Variants in PPP4R3B observed in about 807,000 individuals in gnomAD.
The protein encoded by PPP4R3B is serine/threonine-protein phosphatase 4 regulatory subunit 3B.
In PPP4R3B, 52 loss-of-function variants were observed where a neutral mutation model predicts 95.4. The observed-to-expected ratio is 0.54, with a 90% CI of 0.44 to 0.69. The LOEUF (loss-of-function observed/expected upper bound fraction) is 0.69, where lower values mean the gene tolerates loss of function less well. PPP4R3B is among the 30% of genes least tolerant of loss of function. The pLI is 0.00. For missense variants in PPP4R3B, 1,003 were observed against 1,005.9 expected (o/e 1.00, Z 0.04); for synonymous variants, 407 against 343.9 (o/e 1.18, Z -2.03).
At chr2:55,603,732 T>C (rs935365081) in intron 3 of PPP4R3B, among the ~76,000 whole-genome samples, 6 of 152,186 alleles carry the variant, frequency 3.9e-5, no homozygotes, top group African/African-American at 7.2e-5. Flanking sequence ...TTTTACAATA[T>C]AAGGTATTAA....
chr2:55,560,895 G>C (rs967796626), intron 15 of PPP4R3B, among the ~76,000 whole-genome samples: 1 of 151,982 alleles, frequency 6.6e-6, no homozygotes, highest in Admixed American at 6.5e-5. Context: ...TATTTAAAAG[G>C]GAGCAGAGCA....
rs1462088245 is a variant in PPP4R3B at position 55,550,064 on chromosome 2, GTACAAA to G, written c.2455-64_2455-59del. The stretch of plus-strand genomic sequence containing the variant: ...CATATATAACAAAAAAGAGCTTTTA[GTACAAA>G]TACAATCACTTGTAAAAATATCAGA... On this transcript the variant is annotated intron_variant, in intron 16 of 16. Coordinates refer to ENST00000616407, the MANE Select transcript of PPP4R3B (RefSeq NM_001122964.3). The G allele has an allele frequency of 7.6e-6, 8 of 1,058,148 alleles. No individual in the cohort carries two copies. In the African/African-American group the frequency reaches 9.9e-5, roughly 13 times the overall value. 65.5% of individuals were successfully genotyped at this position (1,058,148 alleles called of 1,614,324 possible). A position where few individuals can be genotyped will look rare whatever the true frequency, so the allele number is the denominator to read the frequency against.
chr2:55,611,144 G>A (rs1183768557), intron 2 of PPP4R3B, among the ~76,000 whole-genome samples: 1 of 152,024 alleles, frequency 6.6e-6, no homozygotes, highest in Admixed American at 6.6e-5. Flanking sequence ...TTACAAGTGT[G>A]AGCCACTGTG....
intron 3 of PPP4R3B, among the ~76,000 whole-genome samples, chr2:55,600,426 C>CAAAAA (rs60764774): frequency 0.16 from 3,453 of 22,258 alleles, 1,333 homozygotes; most frequent in Middle Eastern, 0.2. Flanking sequence ...AACTCTGTCT[C>CAAAAA]AAAAAAAAAA....
In PPP4R3B at chr2:55,568,344, C is replaced by T. The variant is rs1466149425; in HGVS notation, c.1785G>A (p.Arg595=). 1.9e-6 allele frequency: 3 copies of T among 1,596,534 alleles called. No individual in the cohort carries two copies. Among genetic ancestry groups the T allele is most frequent in the Non-Finnish European group, 2.6e-6 (3 of 1,173,922 alleles). ...ATTCATCTTTAAGTCCAATTATCCG[C>T]CTCATAAAGCGAAGGGCACCTAATT... ...FLALCALRFM[R]RIIGLKDEFY... The change falls in exon 13 of 17, where the codon AGG becomes AGA. Residue 595 remains arginine, a synonymous_variant. Coordinates refer to ENST00000616407, the MANE Select transcript of PPP4R3B (RefSeq NM_001122964.3).
intron 3 of PPP4R3B, among the ~76,000 whole-genome samples, chr2:55,601,081 G>A (rs1692530585): frequency 6.7e-6 from 1 of 149,730 alleles, no homozygotes; most frequent in South Asian, 2.1e-4. Flanking sequence ...GGAGGCAGAG[G>A]TTGCAGTGAG....
At chr2:55,614,130 T>C (rs1694574643) in intron 2 of PPP4R3B, 1 of 152,202 alleles carries the variant, frequency 6.6e-6, no homozygotes, top group African/African-American at 2.4e-5. Flanking sequence ...TAAGAATGTG[T>C]TATATACATA....
intron 2 of PPP4R3B, among the ~76,000 whole-genome samples, chr2:55,610,993 G>A (rs1694089618): frequency 6.6e-6 from 1 of 151,098 alleles, no homozygotes; most frequent in African/African-American, 2.4e-5. Flanking sequence ...AGATTCCCAA[G>A]CAGCTGGGAC....
At chr2:55,610,318 C>T (rs1055181693) in intron 2 of PPP4R3B, among the ~76,000 whole-genome samples, 1 of 152,108 alleles carries the variant, frequency 6.6e-6, no homozygotes, top group African/African-American at 2.4e-5. Context: ...ATGACATTGC[C>T]ACACTCATTT....
intron 4 of PPP4R3B, among the ~76,000 whole-genome samples, chr2:55,590,104 G>GA (rs1173627577): frequency 6.6e-6 from 1 of 150,554 alleles, no homozygotes; most frequent in Non-Finnish European, 1.5e-5. Context: ...GAGGCGGGGG[G>GA]ATCACCTGAG....
chr2:55,550,795 C>A (rs1426707526), intron 16 of PPP4R3B, among the ~76,000 whole-genome samples: 1 of 152,060 alleles, frequency 6.6e-6, no homozygotes, highest in African/African-American at 2.4e-5. Flanking sequence ...TACTTCATAC[C>A]TGAAGTACTG....
At chr2:55,562,750 A>G (rs1418573053) in intron 15 of PPP4R3B, among the ~76,000 whole-genome samples, 5 of 152,200 alleles carry the variant, frequency 3.3e-5, no homozygotes, top group Non-Finnish European at 5.9e-5. Flanking sequence ...TAGCCATTCT[A>G]TGCTAGAACT....
At chr2:55,597,545 C>G (rs1257472978) in intron 4 of PPP4R3B, among the ~76,000 whole-genome samples, 4 of 152,106 alleles carry the variant, frequency 2.6e-5, no homozygotes, top group Non-Finnish European at 2.9e-5. Context: ...TGGCGTGAAC[C>G]CGGGAGGCGG....
At chr2:55,582,719 G>C (rs557512079) in intron 7 of PPP4R3B, among the ~76,000 whole-genome samples, 6 of 152,256 alleles carry the variant, frequency 3.9e-5, no homozygotes, top group East Asian at 1.9e-4. Flanking sequence ...CAGTAAACGA[G>C]AGGAGAGCAT....
chr2:55,591,733 T>C lies in PPP4R3B; in HGVS notation c.922-2777A>G, dbSNP rs190023247. 58 of 802,146 alleles carry C rather than the reference T, an allele frequency of 7.2e-5. No homozygotes were observed. In the Admixed American group the frequency reaches 3.5e-3, roughly 48 times the overall value. The allele number at this position is 802,146 out of a possible 1,614,324, so 49.7% of individuals were successfully genotyped here. A position where few individuals can be genotyped will look rare whatever the true frequency, so the allele number is the denominator to read the frequency against. On this transcript the variant is annotated intron_variant, in intron 4 of 16. Coordinates refer to ENST00000616407, the MANE Select transcript of PPP4R3B (RefSeq NM_001122964.3). ...TTACAGATAGAGGCAATCTCAATTATTACAGTCCATTAAGAGAATATGTAT... is the reference window on the plus strand; with the variant it reads ...TTACAGATAGAGGCAATCTCAATTACTACAGTCCATTAAGAGAATATGTAT...
At chr2:55,610,702 G>A (rs1694043804) in intron 2 of PPP4R3B, among the ~76,000 whole-genome samples, 1 of 152,134 alleles carries the variant, frequency 6.6e-6, no homozygotes, top group African/African-American at 2.4e-5. Context: ...TGCTTTCACG[G>A]GCTTTCAGTG....
At chr2:55,563,954 C>G (rs996292811) in intron 15 of PPP4R3B, among the ~76,000 whole-genome samples, 30 of 152,146 alleles carry the variant, frequency 2.0e-4, no homozygotes, top group Admixed American at 1.8e-3. Context: ...GTAAAAGACA[C>G]AGGCAAAGTA....
At chr2:55,594,237 A>G (rs1302624128) in intron 4 of PPP4R3B, among the ~76,000 whole-genome samples, 1 of 152,002 alleles carries the variant, frequency 6.6e-6, no homozygotes, top group East Asian at 1.9e-4. Context: ...TAGAAGCCCA[A>G]TCTCCACCAT....
At chr2:55,614,175 T>C (rs1258113708) in intron 2 of PPP4R3B, 2 of 152,224 alleles carry the variant, frequency 1.3e-5, no homozygotes, top group Non-Finnish European at 2.9e-5. Context: ...AATAATAAGC[T>C]GCACAACAGA....
Sources: gnomAD v4.1 joint callset for allele counts (sites outside exome capture counted in the v4.1 genomes callset) on GRCh38, gnomAD v4.1.1 for gene constraint, MANE v1.5 for transcripts, NCBI Gene and HGNC (gene_info 2026-07-23, HGNC 2026-07-21) for gene names.